Variants in MTHFS observed in about 807,000 individuals in gnomAD.
The protein encoded by MTHFS is 5-formyltetrahydrofolate cyclo-ligase.
MTHFS carries 7 observed loss-of-function variants against 12.7 expected under a neutral mutation model. The ratio of observed to expected loss-of-function variants is 0.55; its 90% CI spans 0.31 to 1.03. The LOEUF is 1.03. MTHFS is among the 50% of genes least tolerant of loss of function. MTHFS has a pLI of 0.05. For synonymous variants in MTHFS, 100 were observed against 97.1 expected, an observed-to-expected ratio of 1.03 and a Z score of -0.18; for missense variants, 252 against 258.1, an observed-to-expected ratio of 0.98 and a Z score of 0.16.
At chr15:79,887,766 A>G (rs149773171) in intron 2 of MTHFS, among the ~76,000 whole-genome samples, 136 of 152,324 alleles carry the variant, frequency 8.9e-4, no homozygotes, top group Non-Finnish European at 1.7e-3. Flanking sequence ...AAAATATGAA[A>G]GAGTTTTAAA....
chr15:79,887,196 G>T (rs1394499665), intron 2 of MTHFS, among the ~76,000 whole-genome samples: 2 of 152,284 alleles, frequency 1.3e-5, no homozygotes, highest in South Asian at 4.1e-4. Flanking sequence ...TTGCACTCCA[G>T]CCCGGGTGAC....
At chr15:79,864,702 A>G (rs1206758120) in intron 2 of MTHFS, among the ~76,000 whole-genome samples, 1 of 152,126 alleles carries the variant, frequency 6.6e-6, no homozygotes, top group African/African-American at 2.4e-5. Flanking sequence ...ATGACAAGTT[A>G]GTACCCCCTT....
rs939126795 is a variant in MTHFS, at chr15:79,858,989, C to A, written c.380-13547G>T. On this transcript the variant is annotated intron_variant, in intron 2 of 2. Coordinates refer to ENST00000258874, the MANE Select transcript of MTHFS (RefSeq NM_006441.4). ...TAAGAACAACAAATATAAACTGATCCGGAATACACTTAACAATATACTTAA... is the reference window on the plus strand; with the variant it reads ...TAAGAACAACAAATATAAACTGATCAGGAATACACTTAACAATATACTTAA... Among the ~76,000 whole-genome samples, 14 of 152,228 alleles carry A rather than the reference C, an allele frequency of 9.2e-5. 1 individual carries two copies. The highest frequency in any genetic ancestry group is 1.9e-4 in the African/African-American group (8 of 41,528).
chr15:79,881,004 T>TCTTTTCTTCCTGGTCACAAA (rs2034287475), intron 2 of MTHFS, among the ~76,000 whole-genome samples: 1 of 152,198 alleles, frequency 6.6e-6, no homozygotes, highest in African/African-American at 2.4e-5. Context: ...TACCCTAGCT[T>TCTTTTCTTCCTGGTCACAAA]GAAATTTAAG....
chr15:79,863,784 T>C (rs1053531034), intron 2 of MTHFS, among the ~76,000 whole-genome samples: 2 of 152,190 alleles, frequency 1.3e-5, no homozygotes, highest in Admixed American at 1.3e-4. Flanking sequence ...TGCGGCAGGA[T>C]CTGTCCCTAA....
intron 2 of MTHFS, among the ~76,000 whole-genome samples, chr15:79,887,030 T>C (rs1003473213): frequency 1.3e-5 from 2 of 151,934 alleles, no homozygotes; most frequent in African/African-American, 4.8e-5. Flanking sequence ...AGGTCAGGAG[T>C]TCGAGATCAG....
At chr15:79,885,913 C>T (rs2034374612) in intron 2 of MTHFS, among the ~76,000 whole-genome samples, 1 of 152,144 alleles carries the variant, frequency 6.6e-6, no homozygotes, top group Admixed American at 6.5e-5. Flanking sequence ...AGTCTCTGGG[C>T]CAATAAAATC....
chr15:79,892,720 AG>A (rs1431248434), intron 1 of MTHFS, among the ~76,000 whole-genome samples: 1 of 152,126 alleles, frequency 6.6e-6, no homozygotes, highest in African/African-American at 2.4e-5. Context: ...TGGGAAGCCA[AG>A]GTGGGTGGAT....
chr15:79,847,041 C>T (rs573689487), intron 2 of MTHFS, among the ~76,000 whole-genome samples: 5 of 152,308 alleles, frequency 3.3e-5, no homozygotes, highest in Admixed American at 6.5e-5. Context: ...CTGCCAAATG[C>T]CCCAAAAGCA....
At chr15:79,846,800 T>C (rs1486772749) in intron 2 of MTHFS, among the ~76,000 whole-genome samples, 1 of 152,232 alleles carries the variant, frequency 6.6e-6, no homozygotes, top group Non-Finnish European at 1.5e-5. Context: ...CTCCCTCGTG[T>C]CCTCTTTCTG....
intron 2 of MTHFS, among the ~76,000 whole-genome samples, chr15:79,880,596 G>A (rs1163963193): frequency 6.6e-6 from 1 of 151,706 alleles, no homozygotes; most frequent in Non-Finnish European, 1.5e-5. Context: ...TCAGGGCACT[G>A]TGCTAAGCCC....
At chr15:79,847,854 A>C (rs966719627) in intron 2 of MTHFS, among the ~76,000 whole-genome samples, 1 of 152,114 alleles carries the variant, frequency 6.6e-6, no homozygotes, top group African/African-American at 2.4e-5. Context: ...GAAAACCACA[A>C]ATGTTGGCAA....
At chr15:79,879,256 C>T (rs1001102814) in intron 2 of MTHFS, among the ~76,000 whole-genome samples, 1 of 151,500 alleles carries the variant, frequency 6.6e-6, no homozygotes, top group Non-Finnish European at 1.5e-5. Context: ...GGTCTGCCTG[C>T]AGGCCTGCCC....
intron 2 of MTHFS, among the ~76,000 whole-genome samples, chr15:79,848,817 T>G (rs1000084032): frequency 6.6e-6 from 1 of 152,156 alleles, no homozygotes; most frequent in Non-Finnish European, 1.5e-5. Flanking sequence ...GACAGAAAAT[T>G]TCTTTGAGGG....
intron 2 of MTHFS, among the ~76,000 whole-genome samples, chr15:79,863,533 T>G (rs1476184925): frequency 1.3e-5 from 2 of 152,200 alleles, no homozygotes; most frequent in Non-Finnish European, 2.9e-5. Context: ...CATCTGGACA[T>G]CATTCTCTCT....
upstream of MTHFS, chr15:79,897,084 T>A (rs981204787): frequency 2.5e-5 from 31 of 1,242,878 alleles, no homozygotes; most frequent in Non-Finnish European, 3.2e-5. Flanking sequence ...ATCCGCGGCC[T>A]AGGGGCGGGT....
intron 2 of MTHFS, among the ~76,000 whole-genome samples, chr15:79,859,440 A>G (rs574648552): frequency 6.6e-6 from 1 of 152,254 alleles, no homozygotes; most frequent in Non-Finnish European, 1.5e-5. Flanking sequence ...CCAAACATAT[A>G]TAAGAATTTT....
At chr15:79,858,637 C>T (rs1199500008) in intron 2 of MTHFS, among the ~76,000 whole-genome samples, 1 of 152,174 alleles carries the variant, frequency 6.6e-6, no homozygotes, top group Non-Finnish European at 1.5e-5. Context: ...GAAGACAAAT[C>T]TGTCTCTGTG....
At chr15:79,851,377 G>A (rs1566987233) in intron 2 of MTHFS, among the ~76,000 whole-genome samples, 1 of 152,148 alleles carries the variant, frequency 6.6e-6, no homozygotes, top group Non-Finnish European at 1.5e-5. Context: ...AAGAATGACA[G>A]TGAAGGATAT....
Sources: gnomAD v4.1 joint callset for allele counts (sites outside exome capture counted in the v4.1 genomes callset) on GRCh38, gnomAD v4.1.1 for gene constraint, MANE v1.5 for transcripts, NCBI Gene and HGNC (gene_info 2026-07-23, HGNC 2026-07-21) for gene names.